The following SZT2 variants were observed in gnomAD, a reference collection of about 807,000 sequenced individuals.
The protein encoded by SZT2 is SZT2 subunit of KICSTOR complex, also known as KICSTOR complex protein SZT2.
A neutral mutation model predicts 404.2 loss-of-function variants in SZT2; 216 were observed. The observed-to-expected ratio is 0.53, with a 90% CI of 0.48 to 0.60. SZT2 has a LOEUF of 0.60. Among genes scored for constraint, SZT2 ranks in the 20% least tolerant of loss-of-function variants. SZT2 has a pLI of 0.00. For synonymous variants in SZT2, 1,693 were observed against 1,749.9 expected (o/e 0.97, Z 0.81); for missense variants, 3,857 against 4,459.2 (o/e 0.86, Z 3.85).
chr1:43,394,427 C>T (rs1165401728), intron 1 of SZT2, among the ~76,000 whole-genome samples: 8 of 152,086 alleles, frequency 5.3e-5, no homozygotes, highest in African/African-American at 9.7e-5. Context: ...TGGGACTCAA[C>T]GCTGTATTTT....
intron 36 of SZT2, 60 bp from the exon 37 acceptor site, chr1:43,432,212 C>T: frequency 1.3e-6 from 2 of 1,487,908 alleles, no homozygotes; most frequent in Non-Finnish European, 1.8e-6. Context: ...GGAAGTGTAG[C>T]TCACCATGTG....
chr1:43,433,124 G>A lies in SZT2; in HGVS notation c.5738G>A (p.Cys1913Tyr). The change falls in exon 40 of 72, where the codon TGC becomes TAC. Residue 1913 changes from cysteine (C) to tyrosine (Y), a missense_variant. Cys to Tyr is a radical substitution (Grantham distance 194). Coordinates refer to ENST00000634258, the MANE Select transcript of SZT2 (RefSeq NM_001365999.1). The part of the protein sequence containing the change: ...QPSLSGLPGP[C>Y]LPDFWLIVRV... ...TCACTCTCAGGCCTCCCTGGGCCCT[G>A]CCTGCCTGACTTCTGGCTCATTGTC... The A allele has an allele frequency of 6.2e-7, 1 of 1,614,136 alleles. No individual in the cohort carries two copies.
Position 43,448,682 on chromosome 1 carries a change from A to G in SZT2, c.10040A>G (p.Gln3347Arg), listed in dbSNP as rs761228590. 1.2e-6 allele frequency: 2 copies of G among 1,614,188 alleles called. No individual in the cohort carries two copies. Among genetic ancestry groups the G allele is most frequent in the Non-Finnish European group, 1.7e-6 (2 of 1,180,020 alleles). Reference protein sequence around the residue: ...LIKVLLSRFPQSCRHFQSPDL... With the variant: ...LIKVLLSRFPRSCRHFQSPDL... ...AAAGTTCTCCTAAGCCGCTTCCCCCAGAGCTGTCGCCATTTCCAAAGCCCA... is the reference window on the plus strand; with the variant it reads ...AAAGTTCTCCTAAGCCGCTTCCCCCGGAGCTGTCGCCATTTCCAAAGCCCA... The change falls in exon 70 of 72, where the codon CAG becomes CGG. Residue 3347 changes from glutamine to arginine, a missense_variant. Coordinates refer to ENST00000634258, the MANE Select transcript of SZT2 (RefSeq NM_001365999.1). This position sits in a 1 kb window ranked among gnomAD's most constrained non-coding sequence, Gnocchi z 4.2.
At position 43,425,413 on chromosome 1, in the gene SZT2, C is replaced by T; in HGVS notation, c.2646-61C>T. On this transcript the variant is annotated intron_variant, in intron 18 of 71. Coordinates refer to ENST00000634258, the MANE Select transcript of SZT2 (RefSeq NM_001365999.1). This position sits in a 1 kb window ranked among gnomAD's most constrained non-coding sequence, Gnocchi z 4.3. ...GTCCTCTGTGCCTGCCTCCTTCCCT[C>T]CATGAGGTTCACTCCCTGCCATGAG... is the stretch of plus-strand genomic sequence containing the variant. 1.2e-6 allele frequency: 2 copies of T among 1,601,406 alleles called. No individual in the cohort carries two copies. Among genetic ancestry groups the T allele is most frequent in the Non-Finnish European group, 1.7e-6 (2 of 1,172,090 alleles).
rs765591252 is a variant in SZT2 at position 43,428,415 on chromosome 1, T to G, written c.4095T>G (p.Pro1365=). 14 of 1,614,050 alleles carry G rather than the reference T, an allele frequency of 8.7e-6. No homozygotes were observed. In the African/African-American group the frequency reaches 1.7e-4, roughly 20 times the overall value. The change falls in exon 28 of 72, where the codon CCT becomes CCG. Residue 1365 remains proline (P), a synonymous_variant. Transcript: ENST00000634258. ...CCCCAAGTCCTGGTCCTCTCAGCCCTGGGCCCTTCAGCAGCAGCATGGAGG... is the reference window on the plus strand; with the variant it reads ...CCCCAAGTCCTGGTCCTCTCAGCCCGGGGCCCTTCAGCAGCAGCATGGAGG... ...HAPPSPGPLS[P]GPFSSSMEEG...
intron 4 of SZT2, chr1:43,410,528 C>T (rs991273067): frequency 1.5e-5 from 2 of 134,394 alleles, no homozygotes; most frequent in Admixed American, 1.8e-4. Context: ...GCACTCCAGC[C>T]TGGCCGACAG....
At position 43,453,284 on chromosome 1, in the gene SZT2, T is replaced by G; in HGVS notation, c.*2804T>G. 1.3e-6 allele frequency: 1 copy of G among 756,610 alleles called. No individual in the cohort carries two copies. The highest frequency in any genetic ancestry group is 1.8e-5 in the South Asian group (1 of 55,986). The allele number at this position is 756,610 out of a possible 1,614,324, so 46.9% of individuals were successfully genotyped here. ...GACCGCAGAGGCAGAGATAAACCAG[T>G]GGGCTCAGACTTCTGAGCGTCTCAG... On this transcript the variant is annotated 3_prime_UTR_variant, in exon 72 of 72. Coordinates refer to ENST00000634258, the MANE Select transcript of SZT2 (RefSeq NM_001365999.1).
In SZT2 at chr1:43,443,334, A is replaced by G; in HGVS notation, c.8500-18A>G. On this transcript the variant is annotated intron_variant, in intron 60 of 71. Transcript: ENST00000634258. ...CCTGCCCCGTCACTGCTCCATGCTC[A>G]CTGCCCTGTTTCCCCAGGCTGGAGA... 6.2e-7 allele frequency: 1 copy of G among 1,614,038 alleles called. No individual in the cohort carries two copies. Among genetic ancestry groups the G allele is most frequent in the Non-Finnish European group, 8.5e-7 (1 of 1,179,986 alleles).
In SZT2 at chr1:43,426,947, C is replaced by T; in HGVS notation, c.3310-109C>T. On this transcript the variant is annotated intron_variant, in intron 23 of 71. Coordinates refer to ENST00000634258, the MANE Select transcript of SZT2 (RefSeq NM_001365999.1). The surrounding 1 kb of genome is among the most constrained non-coding windows in gnomAD (Gnocchi z 4.9). ...CACAATGCCGTCATTTTCCATTGTCCTGGATCTTTCAAGCTATACCTAAGA... is the reference window on the plus strand; with the variant it reads ...CACAATGCCGTCATTTTCCATTGTCTTGGATCTTTCAAGCTATACCTAAGA... The T allele has an allele frequency of 3.2e-6, 5 of 1,571,720 alleles. No individual in the cohort carries two copies. The highest frequency in any genetic ancestry group is 4.3e-6 in the Non-Finnish European group (5 of 1,151,816).
At position 43,403,180 on chromosome 1, in the gene SZT2, G is replaced by A; in HGVS notation, c.31G>A (p.Glu11Lys). Residue 11 changes from glutamate to lysine, a missense_variant, in exon 2 of 72, where the codon GAA becomes AAA. This residue lies in a region of SZT2 where 536 missense variants were observed against 637.4 expected (regional missense o/e 0.84). Transcript: ENST00000634258. MASERPEPEV[E>K]EAGQVFLLMK... ...ATTAATGTCTCTTTGTTCCCAGGTG[G>A]AAGAAGCTGGGCAGGTGTTCCTGTT... The A allele has an allele frequency of 6.2e-7, 1 of 1,614,090 alleles. No homozygotes were observed. Among genetic ancestry groups the A allele is most frequent in the Non-Finnish European group, 8.5e-7 (1 of 1,180,002 alleles).
At chr1:43,392,083 C>CAAAAAAAAAAA (rs57476239) in intron 1 of SZT2, among the ~76,000 whole-genome samples, 1 of 3,378 alleles carries the variant, frequency 3.0e-4, no homozygotes, top group Non-Finnish European at 4.9e-4. Context: ...GACTCCGTCT[C>CAAAAAAAAAAA]AAAAAAAAAA....
At chr1:43,423,885 G>T (rs536302590) in intron 15 of SZT2, among the ~76,000 whole-genome samples, 2 of 149,922 alleles carry the variant, frequency 1.3e-5, no homozygotes, top group South Asian at 2.1e-4. Context: ...GCTTAGCGGG[G>T]TATGAGTGGT....
Position 43,426,169 on chromosome 1 carries a change from C to A in SZT2, c.3043+18C>A, listed in dbSNP as rs755701023. ...TGCCAGAGGTAGGTGAACCTGGTAC[C>A]CTTTCACCCCACACCTAAAGGGCCA... On this transcript the variant is annotated intron_variant, in intron 21 of 71. Transcript: ENST00000634258. The surrounding 1 kb of genome is among the most constrained non-coding windows in gnomAD (Gnocchi z 4.9). The A allele has an allele frequency of 6.2e-7, 1 of 1,610,030 alleles. No individual in the cohort carries two copies. Among genetic ancestry groups the A allele is most frequent in the East Asian group, 2.2e-5 (1 of 44,856 alleles).
Position 43,453,861 on chromosome 1 carries a change from C to CGGGTGG in SZT2, c.*3384_*3385insTGGGGG. 34 of 757,906 alleles carry CGGGTGG rather than the reference C, an allele frequency of 4.5e-5. No individual in the cohort carries two copies. The highest frequency in any genetic ancestry group is 5.7e-5 in the Non-Finnish European group (33 of 574,654). The allele number at this position is 757,906 out of a possible 1,614,324, so 46.9% of individuals were successfully genotyped here. ...GCGGCGGGCGGCGGGCGGCGGGCGGCGGGCGGGGGCGGGGCTCTCCTTGCT... is the reference window on the plus strand; with the variant it reads ...GCGGCGGGCGGCGGGCGGCGGGCGGCGGGTGGGGGCGGGGGCGGGGCTCTCCTTGCT... On this transcript the variant is annotated 3_prime_UTR_variant, in exon 72 of 72. Coordinates refer to ENST00000634258, the MANE Select transcript of SZT2 (RefSeq NM_001365999.1).
intron 46 of SZT2, chr1:43,438,103 G>T (rs1570698780): frequency 1.8e-6 from 1 of 565,108 alleles, no homozygotes; most frequent in East Asian, 3.1e-5. Flanking sequence ...CTATTACTCT[G>T]CCCTGGGTCC....
rs545593466 is a variant in SZT2 at position 43,423,289 on chromosome 1, A to G, written c.2228A>G (p.His743Arg). 3.5e-5 allele frequency: 55 copies of G among 1,551,162 alleles called. No individual in the cohort carries two copies. The highest frequency in any genetic ancestry group is 2.5e-4 in the East Asian group (11 of 44,648). Residue 743 changes from histidine (H) to arginine (R), a missense_variant, in exon 15 of 72, where the codon CAT becomes CGT. His to Arg is a conservative substitution (Grantham distance 29). This residue lies in a region of SZT2 where 1,725 missense variants were observed against 1,881.0 expected (regional missense o/e 0.92). Coordinates refer to ENST00000634258, the MANE Select transcript of SZT2 (RefSeq NM_001365999.1). Reference sequence around the variant, plus strand: ...GACCGGCCCTGCCTTGTGGTCCTGCATAAGCCACTGGACAAACTGCTCATC... The same window carrying G: ...GACCGGCCCTGCCTTGTGGTCCTGCGTAAGCCACTGGACAAACTGCTCATC... ...LSDRPCLVVL[H>R]KPLDKLLIRY...
chr1:43,441,488 C>G lies in SZT2; in HGVS notation c.7512-16C>G, dbSNP rs761594911. 1 of 1,612,122 alleles carries G rather than the reference C, an allele frequency of 6.2e-7. No individual in the cohort carries two copies. The highest frequency in any genetic ancestry group is 8.5e-7 in the Non-Finnish European group (1 of 1,179,006). On this transcript the variant is annotated splice_polypyrimidine_tract_variant and intron_variant, in intron 53 of 71. Transcript: ENST00000634258. The surrounding 1 kb of genome is among the most constrained non-coding windows in gnomAD (Gnocchi z 4.8). ...GTCATGTATGGACATGAGGCTCTTA[C>G]TCCCACTGTCTTCAGGCGCCGGACA...
chr1:43,406,732 G>A (rs1279946064), intron 4 of SZT2: 1 of 152,246 alleles, frequency 6.6e-6, no homozygotes, highest in African/African-American at 2.4e-5. Context: ...CACATTGCCT[G>A]TGTTTGCTTC....
rs754253188 is a variant in SZT2, at chr1:43,425,181, C to G, written c.2619C>G (p.Pro873=). The change falls in exon 18 of 72, where the codon CCC becomes CCG. Residue 873 remains proline (P), a synonymous_variant. Coordinates refer to ENST00000634258, the MANE Select transcript of SZT2 (RefSeq NM_001365999.1). The surrounding 1 kb of genome is among the most constrained non-coding windows in gnomAD (Gnocchi z 4.3). ...GTGTTGTCCAGTACATCCTCTTCCC[C>G]CCACACTCTACCTCCACCAAAGACA... ...HTCVVQYILF[P]PHSTSTKDSF... is the part of the protein sequence containing the mutation. 2 of 1,614,204 alleles carry G rather than the reference C, an allele frequency of 1.2e-6. No individual in the cohort carries two copies. Among genetic ancestry groups the G allele is most frequent in the Non-Finnish European group, 1.7e-6 (2 of 1,180,034 alleles).
Sources: allele counts gnomAD v4.1 joint callset (sites outside exome capture counted in the v4.1 genomes callset), GRCh38; gene constraint gnomAD v4.1.1; regional missense constraint gnomAD v4.1.1; non-coding constraint Gnocchi (gnomAD v3.1); transcripts MANE v1.5; gene names NCBI Gene and HGNC (gene_info 2026-07-23, HGNC 2026-07-21).